PCSK2: variants seen among roughly 807,000 people sequenced by gnomAD.
PCSK2 encodes proprotein convertase subtilisin/kexin type 2.
Under a neutral mutation model 69.7 loss-of-function variants are expected in PCSK2, and 14 were observed. That is an observed-to-expected ratio of 0.20 (90% confidence interval 0.13 to 0.31). PCSK2 has a LOEUF of 0.31. PCSK2 is among the 10% of genes least tolerant of loss of function. The probability of loss-of-function intolerance (pLI) is 1.00; values close to 1 mark genes in which losing one functional copy is unlikely to be tolerated. For missense variants in PCSK2, 544 were observed against 842.5 expected (o/e 0.65, Z 4.39); for synonymous variants, 307 against 320.7 (o/e 0.96, Z 0.46).
At chr20:17,433,527 G>A (rs2032409629) in intron 7 of PCSK2, among the ~76,000 whole-genome samples, 1 of 152,188 alleles carries the variant, frequency 6.6e-6, no homozygotes, top group Admixed American at 6.5e-5. Context: ...AGGCAGAGAG[G>A]GTGCAGCTCA....
chr20:17,450,096 C>T (rs1174096746), intron 8 of PCSK2, among the ~76,000 whole-genome samples: 2 of 130,926 alleles, frequency 1.5e-5, no homozygotes, highest in Admixed American at 8.9e-5. Context: ...GGCGCGATCT[C>T]GGCTCACTGC....
chr20:17,371,865 G>T (rs578135875), intron 5 of PCSK2, among the ~76,000 whole-genome samples: 1 of 152,212 alleles, frequency 6.6e-6, no homozygotes, highest in South Asian at 2.1e-4. Flanking sequence ...CACTGTAAGA[G>T]GGAGATGAGA....
At chr20:17,237,716 G>A (rs565096698) in intron 1 of PCSK2, among the ~76,000 whole-genome samples, 1 of 152,152 alleles carries the variant, frequency 6.6e-6, no homozygotes, top group South Asian at 2.1e-4. Flanking sequence ...TTTACTTAAA[G>A]AGTGATTCTA....
chr20:17,269,474 A>T (rs1019594834), intron 2 of PCSK2, among the ~76,000 whole-genome samples: 1 of 152,146 alleles, frequency 6.6e-6, no homozygotes, highest in Admixed American at 6.6e-5. Context: ...GGCCATCCCT[A>T]TAATTATTTC....
Position 17,447,495 on chromosome 20 carries a change from T to C in PCSK2, c.886-6247T>C, listed in dbSNP as rs367851991. Among the ~76,000 whole-genome samples, 28 of 152,340 alleles carry C rather than the reference T, an allele frequency of 1.8e-4. No homozygotes were observed. The East Asian group carries it at 3.3e-3, about 18-fold the overall frequency. ...TTTAAGAAATGACAATTCTAAATTA[T>C]GACGCATATGAGCTGAATATAGAGT... is the stretch of plus-strand genomic sequence containing the variant. On this transcript the variant is annotated intron_variant, in intron 8 of 11. Coordinates refer to ENST00000262545, the MANE Select transcript of PCSK2 (RefSeq NM_002594.5).
At chr20:17,347,787 C>CGAAAGAAAGAAAGAAAGAAAGAAAGAAA (rs58349005) in intron 2 of PCSK2, among the ~76,000 whole-genome samples, 1 of 48,524 alleles carries the variant, frequency 2.1e-5, no homozygotes. Context: ...GACACATAGA[C>CGAAAGAAAGAAAGAAAGAAAGAAAGAAA]GAAAGAAAGA....
At chr20:17,329,664 G>T (rs996978070) in intron 2 of PCSK2, among the ~76,000 whole-genome samples, 1 of 152,136 alleles carries the variant, frequency 6.6e-6, no homozygotes, top group African/African-American at 2.4e-5. Flanking sequence ...ACATATGCAG[G>T]ATTGTTACAC....
chr20:17,462,148 G>A (rs1458032862), intron 10 of PCSK2, among the ~76,000 whole-genome samples: 3 of 151,866 alleles, frequency 2.0e-5, no homozygotes, highest in Non-Finnish European at 4.4e-5. Flanking sequence ...TTTCACCAGC[G>A]CCCCCACCCC....
intron 2 of PCSK2, among the ~76,000 whole-genome samples, chr20:17,264,023 C>G (rs1987495671): frequency 6.6e-6 from 1 of 152,168 alleles, no homozygotes; most frequent in Admixed American, 6.5e-5. Context: ...TATCTTCAGT[C>G]CCTGGTCAAC....
At chr20:17,275,876 G>C (rs1484273440) in intron 2 of PCSK2, among the ~76,000 whole-genome samples, 1 of 152,018 alleles carries the variant, frequency 6.6e-6, no homozygotes, top group Non-Finnish European at 1.5e-5. Context: ...TTTAATCTCA[G>C]GTCCACCACT....
At position 17,263,312 on chromosome 20, in the gene PCSK2, T is replaced by C. The variant is rs183744571; in HGVS notation, c.282+2968T>C. ...ATGTGCTCATCTTTGTTCATCAATA[T>C]GCAGACAATAGCTAAGAAAACAGAT... On this transcript the variant is annotated intron_variant, in intron 2 of 11. Transcript: ENST00000262545. Among the ~76,000 whole-genome samples, 655 of 152,326 alleles carry C rather than the reference T, an allele frequency of 4.3e-3. 4 individuals are homozygous for C. Among genetic ancestry groups the C allele is most frequent in the African/African-American group, 0.015 (637 of 41,578 alleles).
At chr20:17,273,070 T>TA (rs1568579267) in intron 2 of PCSK2, among the ~76,000 whole-genome samples, 1 of 152,136 alleles carries the variant, frequency 6.6e-6, no homozygotes, top group African/African-American at 2.4e-5. Flanking sequence ...AATCAATGGG[T>TA]AATTGTTAAT....
At chr20:17,349,808 G>T (rs542244593) in intron 2 of PCSK2, among the ~76,000 whole-genome samples, 1 of 152,082 alleles carries the variant, frequency 6.6e-6, no homozygotes, top group South Asian at 2.1e-4. Context: ...TACGCTGGCT[G>T]GTCATTTGAA....
intron 8 of PCSK2, among the ~76,000 whole-genome samples, chr20:17,441,923 A>T (rs553494147): frequency 1.5e-4 from 23 of 151,900 alleles, no homozygotes; most frequent in African/African-American, 5.3e-4. Flanking sequence ...TTATTTGGAA[A>T]TAGGGTCATT....
chr20:17,367,312 T>C lies in PCSK2; in HGVS notation c.506-1928T>C, dbSNP rs557400968. ...ATGTGGTAGATGTTAGGACTAATGA[T>C]GATAAGAAATAGAATGTATTAAGTG... On this transcript the variant is annotated intron_variant, in intron 4 of 11. Transcript: ENST00000262545. 4.6e-5 allele frequency among the ~76,000 whole-genome samples: 7 copies of C among 152,342 alleles called. No homozygotes were observed. In the South Asian group the frequency reaches 1.4e-3, roughly 32 times the overall value.
Position 17,240,381 on chromosome 20 carries a change from C to T in PCSK2, c.177+12899C>T, listed in dbSNP as rs527320974. On this transcript the variant is annotated intron_variant, in intron 1 of 11. Transcript: ENST00000262545. Reference sequence around the variant, plus strand: ...GGGTGAGGAGGCTGGGATGTTTAACCTCCAGCTACCATTTCTTCTTGGTTG... The same window carrying T: ...GGGTGAGGAGGCTGGGATGTTTAACTTCCAGCTACCATTTCTTCTTGGTTG... 4.6e-5 allele frequency among the ~76,000 whole-genome samples: 7 copies of T among 152,222 alleles called. No homozygotes were observed. The South Asian group carries it at 1.5e-3, about 32-fold the overall frequency.
intron 8 of PCSK2, among the ~76,000 whole-genome samples, chr20:17,441,928 G>T (rs1413411645): frequency 6.6e-6 from 1 of 151,214 alleles, no homozygotes; most frequent in Non-Finnish European, 1.5e-5. Context: ...TGGAAATAGG[G>T]TCATTGCAGA....
At chr20:17,396,673 A>C (rs899393277) in intron 5 of PCSK2, among the ~76,000 whole-genome samples, 3 of 151,704 alleles carry the variant, frequency 2.0e-5, no homozygotes, top group Non-Finnish European at 4.4e-5. Context: ...AGGATGATAC[A>C]GTTGCACAAT....
intron 2 of PCSK2, among the ~76,000 whole-genome samples, chr20:17,284,625 T>G (rs1048413760): frequency 1.3e-5 from 2 of 152,192 alleles, no homozygotes; most frequent in African/African-American, 4.8e-5. Flanking sequence ...GAGGTTGGCT[T>G]TCTAGACAGA....
Sources: gnomAD v4.1 joint callset for allele counts (sites outside exome capture counted in the v4.1 genomes callset) on GRCh38, gnomAD v4.1.1 for gene constraint, MANE v1.5 for transcripts, NCBI Gene and HGNC (gene_info 2026-07-23, HGNC 2026-07-21) for gene names.